Variants in CSMD1 observed in about 807,000 individuals in gnomAD.
The protein encoded by CSMD1 is CUB and Sushi multiple domains 1, also known as CUB and sushi domain-containing protein 1.
A neutral mutation model predicts 417.5 loss-of-function variants in CSMD1; 213 were observed. The ratio of observed to expected loss-of-function variants is 0.51; its 90% CI spans 0.46 to 0.57. The LOEUF is 0.57. Among genes scored for constraint, CSMD1 ranks in the 20% least tolerant of loss-of-function variants. The pLI is 0.00. For synonymous variants in CSMD1, 2,862 were observed against 1,736.8 expected (o/e 1.65, Z -16.11); for missense variants, 6,923 against 4,529.7 (o/e 1.53, Z -15.17).
At chr8:4,349,014 T>G (rs1800935541) in intron 3 of CSMD1, among the ~76,000 whole-genome samples, 1 of 152,146 alleles carries the variant, frequency 6.6e-6, no homozygotes, top group African/African-American at 2.4e-5. Context: ...AATCCAACTG[T>G]CCACACAAGC....
chr8:4,158,081 A>T (rs1305936285), intron 3 of CSMD1, among the ~76,000 whole-genome samples: 1 of 127,348 alleles, frequency 7.9e-6, no homozygotes, highest in East Asian at 2.2e-4. Flanking sequence ...TTACAATACA[A>T]GAAAACCCTT....
chr8:3,915,170 C>T (rs1004069475), intron 5 of CSMD1, among the ~76,000 whole-genome samples: 2 of 152,038 alleles, frequency 1.3e-5, no homozygotes, highest in East Asian at 1.9e-4. Context: ...CTTTGGGAGG[C>T]TGAGGCAGGA....
intron 25 of CSMD1, among the ~76,000 whole-genome samples, chr8:3,298,996 C>T (rs893442448): frequency 1.3e-5 from 2 of 152,090 alleles, no homozygotes; most frequent in African/African-American, 2.4e-5. Flanking sequence ...CACCCTGGTA[C>T]CATGGAGTTT....
chr8:3,997,690 C>T (rs1345791169), intron 5 of CSMD1, among the ~76,000 whole-genome samples: 2 of 152,126 alleles, frequency 1.3e-5, no homozygotes, highest in African/African-American at 2.4e-5. Flanking sequence ...AGATGACTTC[C>T]CGAGCTCCAA....
intron 2 of CSMD1, among the ~76,000 whole-genome samples, chr8:4,496,668 A>G (rs898590041): frequency 3.3e-5 from 5 of 151,694 alleles, no homozygotes; most frequent in African/African-American, 9.7e-5. Context: ...CCCTCCCTTT[A>G]TCCTGCCACT....
intron 5 of CSMD1, among the ~76,000 whole-genome samples, chr8:3,882,126 A>C (rs1452010899): frequency 3.9e-5 from 6 of 152,218 alleles, no homozygotes; most frequent in African/African-American, 1.4e-4. Context: ...AAAGTGAGAA[A>C]AAATCATCAC....
At chr8:4,415,390 C>G (rs1307869743) in intron 3 of CSMD1, among the ~76,000 whole-genome samples, 3 of 152,176 alleles carry the variant, frequency 2.0e-5, no homozygotes, top group Non-Finnish European at 4.4e-5. Flanking sequence ...TTGAGACCTT[C>G]TATTCCGGGT....
intron 1 of CSMD1, among the ~76,000 whole-genome samples, chr8:4,790,336 C>T (rs960597758): frequency 6.6e-6 from 1 of 152,248 alleles, no homozygotes; most frequent in Admixed American, 6.5e-5. Context: ...ATGACACAAA[C>T]TAATGGAAAA....
intron 2 of CSMD1, among the ~76,000 whole-genome samples, chr8:4,598,426 T>C (rs1161988849): frequency 6.6e-6 from 1 of 152,216 alleles, no homozygotes; most frequent in Non-Finnish European, 1.5e-5. Flanking sequence ...TGGAAATCAC[T>C]GCTATCAGCC....
chr8:3,311,851 A>G (rs1329814193), intron 23 of CSMD1, among the ~76,000 whole-genome samples: 1 of 152,148 alleles, frequency 6.6e-6, no homozygotes, highest in African/African-American at 2.4e-5. Flanking sequence ...GGACTTACAA[A>G]TTGTTTCAGT....
chr8:4,317,123 C>G (rs951027315), intron 3 of CSMD1, among the ~76,000 whole-genome samples: 2 of 152,138 alleles, frequency 1.3e-5, no homozygotes, highest in Admixed American at 6.5e-5. Flanking sequence ...CCAAGCACAT[C>G]ATCATCATCT....
chr8:2,979,855 G>A (rs1196468509), intron 54 of CSMD1, among the ~76,000 whole-genome samples: 1 of 152,208 alleles, frequency 6.6e-6, no homozygotes, highest in African/African-American at 2.4e-5. Flanking sequence ...AGCCATGTGT[G>A]AAGTTCGGGC....
chr8:3,682,295 G>A (rs74989327), intron 7 of CSMD1, among the ~76,000 whole-genome samples: 2 of 152,026 alleles, frequency 1.3e-5, no homozygotes, highest in East Asian at 1.9e-4. Flanking sequence ...CTACTCATCT[G>A]ACAAAGGGCT....
intron 49 of CSMD1, 68 bp from the exon 50 acceptor site, chr8:3,052,715 G>C: frequency 1.8e-6 from 2 of 1,106,898 alleles, no homozygotes; most frequent in Non-Finnish European, 2.5e-6. Context: ...TAAAACCATT[G>C]ATTGATTAAT....
chr8:3,557,765 G>A (rs1799219378), intron 10 of CSMD1, among the ~76,000 whole-genome samples: 1 of 152,156 alleles, frequency 6.6e-6, no homozygotes, highest in South Asian at 2.1e-4. Flanking sequence ...GGTGACACAG[G>A]TTTTGGTTTG....
Position 4,312,451 on chromosome 8 carries a change from G to GCA in CSMD1, c.415+107501_415+107502insTG, listed in dbSNP as rs1798679680. Among the ~76,000 whole-genome samples the GCA allele has an allele frequency of 6.5e-5, 7 of 107,568 alleles. 1 individual carries two copies. Among genetic ancestry groups the GCA allele is most frequent in the African/African-American group, 4.6e-4 (7 of 15,056 alleles). The allele number at this position is 107,568 out of a possible 152,430, so 70.6% of individuals were successfully genotyped here. A position where few individuals can be genotyped will look rare whatever the true frequency, so the allele number is the denominator to read the frequency against. ...TATATATATATGCGTATATATATAC[G>GCA]TATATATATGCGCGTATATATATAT... On this transcript the variant is annotated intron_variant, in intron 3 of 69. Transcript: ENST00000635120.
intron 8 of CSMD1, among the ~76,000 whole-genome samples, chr8:3,600,152 G>A (rs1235487374): frequency 2.0e-5 from 3 of 152,168 alleles, no homozygotes; most frequent in Admixed American, 6.5e-5. Context: ...ACTGCAGGTG[G>A]CATCAGCAAG....
chr8:3,944,302 C>T (rs982679883), intron 5 of CSMD1, among the ~76,000 whole-genome samples: 1 of 151,986 alleles, frequency 6.6e-6, no homozygotes, highest in Non-Finnish European at 1.5e-5. Flanking sequence ...AGTTTGAGCC[C>T]CGGATAATTA....
chr8:4,791,967 G>A (rs754536070), intron 1 of CSMD1, among the ~76,000 whole-genome samples: 3 of 151,452 alleles, frequency 2.0e-5, no homozygotes, highest in Non-Finnish European at 4.4e-5. Context: ...ATACAAGATT[G>A]TTTATCCAAG....
Sources: allele counts gnomAD v4.1 joint callset (sites outside exome capture counted in the v4.1 genomes callset), GRCh38; gene constraint gnomAD v4.1.1; transcripts MANE v1.5; gene names NCBI Gene and HGNC (gene_info 2026-07-23, HGNC 2026-07-21).